The following LPP variants were observed in gnomAD, a reference collection of about 807,000 sequenced individuals.
The protein encoded by LPP is lipoma-preferred partner.
LPP carries 38 observed loss-of-function variants against 60.4 expected under a neutral mutation model. The observed-to-expected ratio is 0.63, with a 90% CI of 0.49 to 0.83. The LOEUF is 0.83. Ranked by LOEUF, LPP falls within the 40% of genes least tolerant of loss-of-function variation. The probability of loss-of-function intolerance (pLI) is 0.00; values close to 1 mark genes in which losing one functional copy is unlikely to be tolerated. For missense variants in LPP, 902 were observed against 783.6 expected, an observed-to-expected ratio of 1.15 and a Z score of -1.80; for synonymous variants, 328 against 290.8, an observed-to-expected ratio of 1.13 and a Z score of -1.30.
intron 2 of LPP, among the ~76,000 whole-genome samples, chr3:188,335,665 G>A (rs533305720): frequency 1.1e-3 from 166 of 152,010 alleles, no homozygotes; most frequent in Admixed American, 1.4e-3. Context: ...GTATTTTCTT[G>A]TATCTCACTG....
intron 2 of LPP, among the ~76,000 whole-genome samples, chr3:188,335,005 T>C (rs148174906): frequency 1.7e-3 from 265 of 152,328 alleles, no homozygotes; most frequent in Middle Eastern, 6.8e-3. Context: ...TGGCTGTAAA[T>C]ACGTGGATTT....
intron 4 of LPP, among the ~76,000 whole-genome samples, chr3:188,420,523 A>T (rs567383633): frequency 1.6e-4 from 25 of 152,240 alleles, no homozygotes; most frequent in Non-Finnish European, 3.1e-4. Flanking sequence ...TTAATTAGGG[A>T]TTTTATTTTG....
At chr3:188,857,514 G>A (rs769429163) in intron 9 of LPP, among the ~76,000 whole-genome samples, 2 of 152,168 alleles carry the variant, frequency 1.3e-5, no homozygotes, top group Non-Finnish European at 2.9e-5. Context: ...GCTCCTGTTT[G>A]TGTACATTTA....
At chr3:188,676,845 A>G (rs1332879227) in intron 7 of LPP, among the ~76,000 whole-genome samples, 2 of 152,208 alleles carry the variant, frequency 1.3e-5, no homozygotes, top group East Asian at 3.9e-4. Context: ...CAAAGGTCAC[A>G]TGTAGTCTTT....
At chr3:188,706,054 T>TA (rs1212802173) in intron 7 of LPP, among the ~76,000 whole-genome samples, 11 of 152,210 alleles carry the variant, frequency 7.2e-5, no homozygotes, top group African/African-American at 2.7e-4. Flanking sequence ...ATAAACCCTG[T>TA]AAGAATGAGT....
intron 7 of LPP, among the ~76,000 whole-genome samples, chr3:188,650,077 C>T (rs1851800342): frequency 6.6e-6 from 1 of 152,186 alleles, no homozygotes; most frequent in African/African-American, 2.4e-5. Flanking sequence ...TTGAAACAGT[C>T]TGTCTGATGT....
intron 5 of LPP, among the ~76,000 whole-genome samples, chr3:188,518,707 A>T (rs1818066500): frequency 6.6e-6 from 1 of 152,316 alleles, no homozygotes; most frequent in African/African-American, 2.4e-5. Flanking sequence ...GTTGTTGAAG[A>T]TTAGTTCATG....
chr3:188,755,344 G>T (rs1022802205), intron 8 of LPP, among the ~76,000 whole-genome samples: 3 of 152,150 alleles, frequency 2.0e-5, no homozygotes, highest in African/African-American at 7.2e-5. Context: ...TCCCAAAATG[G>T]CTGTGGACAG....
chr3:188,616,759 AT>A (rs1421886546), intron 7 of LPP, among the ~76,000 whole-genome samples: 1 of 152,062 alleles, frequency 6.6e-6, no homozygotes, highest in Non-Finnish European at 1.5e-5. Flanking sequence ...TAATTTATGT[AT>A]GTCTTCTCTA....
At chr3:188,214,130 T>C (rs891452677) in intron 1 of LPP, among the ~76,000 whole-genome samples, 2 of 152,004 alleles carry the variant, frequency 1.3e-5, no homozygotes, top group African/African-American at 4.8e-5. Flanking sequence ...TTTTTTTTTT[T>C]CTTTCTTTCT....
intron 6 of LPP, among the ~76,000 whole-genome samples, chr3:188,538,475 T>G (rs13077239): frequency 0.29 from 43,331 of 151,978 alleles, 6,475 homozygotes; most frequent in Middle Eastern, 0.34. Context: ...GAAATGCAAG[T>G]CAAACCACAA....
chr3:188,409,339 C>A (rs1297845456), intron 4 of LPP, among the ~76,000 whole-genome samples: 4 of 152,058 alleles, frequency 2.6e-5, no homozygotes, highest in African/African-American at 4.8e-5. Flanking sequence ...AAAGACAAAT[C>A]TTGGGAACAG....
At chr3:188,376,000 C>T (rs1333933486) in intron 3 of LPP, among the ~76,000 whole-genome samples, 7 of 152,132 alleles carry the variant, frequency 4.6e-5, no homozygotes, top group East Asian at 1.9e-4. Context: ...TCAGTTTTCA[C>T]GTAGTTGAGC....
chr3:188,347,573 A>G (rs181289955), intron 3 of LPP, among the ~76,000 whole-genome samples: 21 of 152,182 alleles, frequency 1.4e-4, no homozygotes, highest in Admixed American at 1.1e-3. Flanking sequence ...TGGGTCATCT[A>G]TTTTGTTCCC....
rs966012445 is a variant in LPP at position 188,274,161 on chromosome 3, T to C, written c.-67+48634T>C. On this transcript the variant is annotated intron_variant, in intron 2 of 11. Transcript: ENST00000617246. Reference sequence around the variant, plus strand: ...TTTTCTGATGTAGTTTGGGACTTCCTAACTTAACAATGGAAATTGAAAATT... The same window carrying C: ...TTTTCTGATGTAGTTTGGGACTTCCCAACTTAACAATGGAAATTGAAAATT... Among the ~76,000 whole-genome samples the C allele has an allele frequency of 2.6e-5, 4 of 152,214 alleles. No individual in the cohort carries two copies. The East Asian group carries it at 7.7e-4, about 29-fold the overall frequency.
intron 4 of LPP, among the ~76,000 whole-genome samples, chr3:188,477,009 G>A (rs74885419): frequency 0.042 from 6,385 of 152,238 alleles, 183 homozygotes; most frequent in Non-Finnish European, 0.066. Flanking sequence ...TCCAGGTGCC[G>A]CTTTATTAAT....
chr3:188,243,775 A>G (rs989629238), intron 2 of LPP, among the ~76,000 whole-genome samples: 6 of 152,098 alleles, frequency 3.9e-5, no homozygotes, highest in African/African-American at 1.2e-4. Flanking sequence ...CTCTGGGTGT[A>G]ATTTCTTCAC....
At chr3:188,166,182 C>CTTCTTTCT (rs113981862) in intron 1 of LPP, among the ~76,000 whole-genome samples, 6,855 of 151,038 alleles carry the variant, frequency 0.045, 241 homozygotes, top group African/African-American at 0.099. Flanking sequence ...CTTTCTTCTT[C>CTTCTTTCT]TTCTTTCTTT....
intron 8 of LPP, among the ~76,000 whole-genome samples, chr3:188,733,290 C>CGT (rs10576864): frequency 0.036 from 5,346 of 147,046 alleles, 182 homozygotes; most frequent in African/African-American, 0.092. Context: ...TCACCAAAAA[C>CGT]GTGTGTGTGT....
Sources: allele counts gnomAD v4.1 joint callset (sites outside exome capture counted in the v4.1 genomes callset), GRCh38; gene constraint gnomAD v4.1.1; transcripts MANE v1.5; gene names NCBI Gene and HGNC (gene_info 2026-07-23, HGNC 2026-07-21).